HFM1: variants seen among roughly 807,000 people sequenced by gnomAD.
The protein encoded by HFM1 is helicase for meiosis 1, also known as probable ATP-dependent DNA helicase HFM1.
Under a neutral mutation model 192.1 loss-of-function variants are expected in HFM1, and 169 were observed. The ratio of observed to expected loss-of-function variants is 0.88; its 90% CI spans 0.78 to 1.00. The LOEUF is 1.00. HFM1 is among the 50% of genes least tolerant of loss of function. HFM1 has a pLI of 0.00. For synonymous variants in HFM1, 525 were observed against 537.8 expected, an observed-to-expected ratio of 0.98 and a Z score of 0.33; for missense variants, 1,661 against 1,668.0, an observed-to-expected ratio of 1.00 and a Z score of 0.07.
At chr1:91,337,572 C>A in intron 20 of HFM1, among the ~76,000 whole-genome samples, 1 of 152,188 alleles carries the variant, frequency 6.6e-6, no homozygotes, top group Non-Finnish European at 1.5e-5. Flanking sequence ...GCATCTTCCA[C>A]AATTTGATGG....
intron 20 of HFM1, among the ~76,000 whole-genome samples, chr1:91,342,523 A>C (rs911523915): frequency 6.6e-6 from 1 of 152,192 alleles, no homozygotes; most frequent in African/African-American, 2.4e-5. Context: ...CACTTAGTTC[A>C]TATCCCCTTT....
intron 30 of HFM1, among the ~76,000 whole-genome samples, chr1:91,291,263 G>C (rs1183328591): frequency 6.6e-6 from 1 of 152,164 alleles, no homozygotes; most frequent in East Asian, 1.9e-4. Flanking sequence ...GAATTCAGGA[G>C]CTGGTTTTTT....
At chr1:91,335,898 A>G (rs1009931779) in intron 20 of HFM1, among the ~76,000 whole-genome samples, 4 of 152,010 alleles carry the variant, frequency 2.6e-5, no homozygotes, top group Admixed American at 6.6e-5. Flanking sequence ...TACATCTATA[A>G]GAGTTCCTAT....
intron 1 of HFM1, among the ~76,000 whole-genome samples, chr1:91,402,544 A>G (rs1664420615): frequency 6.6e-6 from 1 of 152,176 alleles, no homozygotes; most frequent in Non-Finnish European, 1.5e-5. Context: ...GCCTAGGATA[A>G]TAGGGCAGGA....
At position 91,375,345 on chromosome 1, in the gene HFM1, T is replaced by A; in HGVS notation, c.1685+13A>T. 1.9e-6 allele frequency: 3 copies of A among 1,588,388 alleles called. No homozygotes were observed. The highest frequency in any genetic ancestry group is 2.6e-6 in the Non-Finnish European group (3 of 1,163,314). On this transcript the variant is annotated intron_variant, in intron 13 of 38. Transcript: ENST00000370425. ...AAGTCCTTCTACTTCCATGAAAAAA[T>A]AAAATACTATACCTCTGTTTCTGTT...
chr1:91,346,657 A>G (rs1656179574), intron 19 of HFM1, among the ~76,000 whole-genome samples: 1 of 152,222 alleles, frequency 6.6e-6, no homozygotes, highest in Non-Finnish European at 1.5e-5. Context: ...GCAATTTCTA[A>G]TCTGAATAAA....
chr1:91,343,871 A>T lies in HFM1; in HGVS notation c.2255-361T>A, dbSNP rs555048168. Among the ~76,000 whole-genome samples the T allele has an allele frequency of 3.9e-5, 6 of 152,346 alleles. No homozygotes were observed. The South Asian group carries it at 1.2e-3, about 32-fold the overall frequency. ...TATAGGTTAGGAAACTAAAGAATAG[A>T]GGCTAAGTAACTTGCTCCAGGTCTA... On this transcript the variant is annotated intron_variant, in intron 19 of 38. Coordinates refer to ENST00000370425, the MANE Select transcript of HFM1 (RefSeq NM_001017975.6).
chr1:91,274,991 T>TTC (rs1666676295), intron 32 of HFM1, among the ~76,000 whole-genome samples, 182 bp from the exon 33 acceptor site: 1 of 151,156 alleles, frequency 6.6e-6, no homozygotes, highest in Non-Finnish European at 1.5e-5. Flanking sequence ...TGGCATTTTT[T>TTC]TTTTTTTTTT....
intron 13 of HFM1, among the ~76,000 whole-genome samples, chr1:91,373,748 C>G (rs140136505): frequency 1.3e-5 from 2 of 152,112 alleles, no homozygotes; most frequent in Non-Finnish European, 2.9e-5. Context: ...AGAAGCCGAG[C>G]AGATGTGGTG....
intron 1 of HFM1, 101 bp from the exon 2 acceptor site, chr1:91,401,210 C>A (rs999721333): frequency 1.2e-4 from 72 of 595,890 alleles, no homozygotes; most frequent in Non-Finnish European, 2.1e-4. Flanking sequence ...TAAAATATAA[C>A]CACAGACTAT....
Position 91,351,632 on chromosome 1 carries a change from T to C in HFM1, c.1989A>G (p.Thr663=). The C allele has an allele frequency of 6.3e-7, 1 of 1,589,584 alleles. No individual in the cohort carries two copies. Among genetic ancestry groups the C allele is most frequent in the Non-Finnish European group, 8.6e-7 (1 of 1,163,590 alleles). ...GRAGRPQFDT[T]ATAVIMTRLS... is the part of the protein sequence containing the mutation. ...ATCGAGTCATGATAACTGCAGTAGCTGTAGTGTCAAACTGGGGAGAAAACA... is the reference window on the plus strand; with the variant it reads ...ATCGAGTCATGATAACTGCAGTAGCCGTAGTGTCAAACTGGGGAGAAAACA... Residue 663 remains threonine (T), a synonymous_variant, in exon 17 of 39, where the codon ACA becomes ACG. Transcript: ENST00000370425.
intron 4 of HFM1, among the ~76,000 whole-genome samples, chr1:91,386,902 A>G (rs1662275843): frequency 6.6e-6 from 1 of 152,252 alleles, no homozygotes; most frequent in East Asian, 1.9e-4. Context: ...AGGAAAAGAT[A>G]TAAACTAAGT....
intron 7 of HFM1, among the ~76,000 whole-genome samples, chr1:91,380,471 T>C (rs1450020911): frequency 2.0e-5 from 3 of 152,156 alleles, no homozygotes; most frequent in African/African-American, 4.8e-5. Flanking sequence ...AAATCATTCC[T>C]GGCTGAGTGC....
At chr1:91,367,320 C>T (rs1659487266) in intron 13 of HFM1, among the ~76,000 whole-genome samples, 1 of 152,200 alleles carries the variant, frequency 6.6e-6, no homozygotes, top group Non-Finnish European at 1.5e-5. Flanking sequence ...ACAAGTGGGT[C>T]CCTGACCCCC....
chr1:91,404,799 T>C lies in HFM1; in HGVS notation c.-29A>G. Reference sequence around the variant, plus strand: ...GGGCGTCCGGGCCCCTCTCCTCACCTCCCTGCGGACAGCTCCTAGGCCAGT... The same window carrying C: ...GGGCGTCCGGGCCCCTCTCCTCACCCCCCTGCGGACAGCTCCTAGGCCAGT... On this transcript the variant is annotated splice_region_variant and 5_prime_UTR_variant, in exon 1 of 39. Coordinates refer to ENST00000370425, the MANE Select transcript of HFM1 (RefSeq NM_001017975.6). 2.2e-6 allele frequency: 1 copy of C among 451,972 alleles called. No individual in the cohort carries two copies. Among genetic ancestry groups the C allele is most frequent in the South Asian group, 1.6e-5 (1 of 64,002 alleles). The allele number at this position is 451,972 out of a possible 1,614,324, so 28.0% of individuals were successfully genotyped here. A position where few individuals can be genotyped will look rare whatever the true frequency, so the allele number is the denominator to read the frequency against.
intron 13 of HFM1, among the ~76,000 whole-genome samples, chr1:91,366,364 AAG>A (rs1348764897): frequency 3.9e-5 from 6 of 152,188 alleles, no homozygotes; most frequent in Non-Finnish European, 7.3e-5. Flanking sequence ...CTTCAGAGTT[AAG>A]TTTATGAGCA....
chr1:91,325,390 A>C (rs533010612), intron 20 of HFM1, among the ~76,000 whole-genome samples: 3 of 152,196 alleles, frequency 2.0e-5, no homozygotes, highest in Non-Finnish European at 4.4e-5. Flanking sequence ...GGTCTGACCC[A>C]GCACAGTCCC....
chr1:91,374,958 C>A (rs534440950), intron 13 of HFM1, among the ~76,000 whole-genome samples: 16 of 152,022 alleles, frequency 1.1e-4, no homozygotes, highest in African/African-American at 3.9e-4. Context: ...GGACTGAGAA[C>A]GAACAGCCTG....
At chr1:91,302,686 A>C (rs1281463187) in intron 30 of HFM1, among the ~76,000 whole-genome samples, 3 of 151,916 alleles carry the variant, frequency 2.0e-5, no homozygotes, top group Non-Finnish European at 4.4e-5. Flanking sequence ...CGCAAGGACA[A>C]AAAACCAAAC....
Sources: allele counts gnomAD v4.1 joint callset (sites outside exome capture counted in the v4.1 genomes callset), GRCh38; gene constraint gnomAD v4.1.1; transcripts MANE v1.5; gene names NCBI Gene and HGNC (gene_info 2026-07-23, HGNC 2026-07-21).